Variants in TBL1XR1 observed in about 807,000 individuals in gnomAD.
TBL1XR1 encodes the protein TBL1X/Y related 1.
Under a neutral mutation model 66.9 loss-of-function variants are expected in TBL1XR1, and 5 were observed. That is an observed-to-expected ratio of 0.07 (90% CI 0.04 to 0.16). The LOEUF is 0.16. TBL1XR1 is among the 10% of genes least tolerant of loss of function. TBL1XR1 has a pLI of 1.00. For synonymous variants in TBL1XR1, 210 were observed against 206.0 expected, an observed-to-expected ratio of 1.02 and a Z score of -0.17; for missense variants, 238 against 623.2, an observed-to-expected ratio of 0.38 and a Z score of 6.58.
At chr3:177,059,912 T>A (rs1360987258) in intron 3 of TBL1XR1, among the ~76,000 whole-genome samples, 1 of 152,164 alleles carries the variant, frequency 6.6e-6, no homozygotes. Flanking sequence ...ATTTGCTGAG[T>A]CTTCCAGCCT....
At chr3:177,107,974 A>T (rs986240969) in intron 1 of TBL1XR1, among the ~76,000 whole-genome samples, 3 of 152,034 alleles carry the variant, frequency 2.0e-5, no homozygotes, top group Admixed American at 6.6e-5. Flanking sequence ...AGCCACAGAC[A>T]ATACATTAAA....
intron 3 of TBL1XR1, among the ~76,000 whole-genome samples, chr3:177,063,781 G>A (rs1006499204): frequency 2.6e-5 from 4 of 152,028 alleles, no homozygotes; most frequent in Admixed American, 1.3e-4. Context: ...TGTGGGCTTG[G>A]ATACTAATCT....
chr3:177,065,474 A>G (rs1028505043), intron 2 of TBL1XR1, among the ~76,000 whole-genome samples: 1 of 152,210 alleles, frequency 6.6e-6, no homozygotes, highest in Non-Finnish European at 1.5e-5. Context: ...AGTTTTATCT[A>G]TGAAACTTGG....
intron 1 of TBL1XR1, among the ~76,000 whole-genome samples, chr3:177,175,104 C>A (rs1470370471): frequency 6.6e-6 from 1 of 152,146 alleles, no homozygotes; most frequent in Admixed American, 6.6e-5. Context: ...TTAATGTACA[C>A]TGGTTCTCAA....
chr3:177,065,018 T>C lies in TBL1XR1; in HGVS notation c.-41A>G. The C allele has an allele frequency of 6.9e-7, 1 of 1,446,046 alleles. No homozygotes were observed. The highest frequency in any genetic ancestry group is 9.1e-7 in the Non-Finnish European group (1 of 1,102,232). The allele number at this position is 1,446,046 out of a possible 1,614,324, so 89.6% of individuals were successfully genotyped here. ...AACCATGAGGTCACAACACAGGATA[T>C]AACCCTAAAAATAAAACAAAGTTAA... On this transcript the variant is annotated 5_prime_UTR_variant, in exon 3 of 16. Transcript: ENST00000457928.
At chr3:177,193,945 G>A (rs1299266416) in intron 1 of TBL1XR1, 2 of 152,148 alleles carry the variant, frequency 1.3e-5, no homozygotes, top group Non-Finnish European at 2.9e-5. Flanking sequence ...CTACCTCATA[G>A]GATTAGCCTA....
chr3:177,050,205 T>C (rs753999067), intron 6 of TBL1XR1, 67 bp from the exon 7 acceptor site: 163 of 1,529,126 alleles, frequency 1.1e-4, no homozygotes, highest in Middle Eastern at 1.7e-4. Context: ...AGGCAACATA[T>C]TTACATCTGA....
At chr3:177,050,243 A>T in intron 6 of TBL1XR1, 105 bp from the exon 7 acceptor site, 1 of 1,413,872 alleles carries the variant, frequency 7.1e-7, no homozygotes, top group South Asian at 1.4e-5. Flanking sequence ...AAAAACGACT[A>T]TCACGAATTT....
chr3:177,103,859 T>C (rs1196921381), intron 1 of TBL1XR1, among the ~76,000 whole-genome samples: 1 of 152,144 alleles, frequency 6.6e-6, no homozygotes, highest in South Asian at 2.1e-4. Context: ...GAGAAAAATA[T>C]AATCCCAGCA....
At chr3:177,082,738 T>TTGTATATATATATA (rs1450061640) in intron 2 of TBL1XR1, among the ~76,000 whole-genome samples, 1 of 63,234 alleles carries the variant, frequency 1.6e-5, no homozygotes, top group Non-Finnish European at 3.0e-5. Flanking sequence ...AAGATAGAGA[T>TTGTATATATATATA]TATATATATA....
intron 1 of TBL1XR1, among the ~76,000 whole-genome samples, chr3:177,146,509 G>A (rs1437626070): frequency 6.9e-6 from 1 of 145,044 alleles, no homozygotes; most frequent in Admixed American, 7.1e-5. Context: ...GGCTGGTCTC[G>A]AACCCAGGAG....
chr3:177,096,454 G>C (rs1323421159), intron 2 of TBL1XR1, among the ~76,000 whole-genome samples: 1 of 151,848 alleles, frequency 6.6e-6, no homozygotes, highest in Non-Finnish European at 1.5e-5. Flanking sequence ...GTCTATGAGC[G>C]GTTATAAAAA....
rs545086754 is a variant in TBL1XR1 at position 177,086,732 on chromosome 3, G to A, written c.-46+11734C>T. ...TCTCTATCACGGAACATATACAGTT[G>A]ACCCTTGTACAAAGCAGGAGTTAGG... is the stretch of plus-strand genomic sequence containing the variant. On this transcript the variant is annotated intron_variant, in intron 2 of 15. Coordinates refer to ENST00000457928, the MANE Select transcript of TBL1XR1 (RefSeq NM_024665.7). Among the ~76,000 whole-genome samples, 32 of 151,488 alleles carry A rather than the reference G, an allele frequency of 2.1e-4. No individual in the cohort carries two copies. The South Asian group carries it at 6.7e-3, about 32-fold the overall frequency.
In TBL1XR1 at chr3:177,064,853, T is replaced by G. The variant is rs560469982; in HGVS notation, c.58+67A>C. 3.4e-5 allele frequency: 37 copies of G among 1,091,330 alleles called. No individual in the cohort carries two copies. The South Asian group carries it at 4.8e-4, about 14-fold the overall frequency. 67.6% of individuals were successfully genotyped at this position (1,091,330 alleles called of 1,614,324 possible). ...GGTTTGGACTGATACAAATTTCAAA[T>G]GCATAAAAGATTATTTTGAGAATAT... On this transcript the variant is annotated intron_variant, in intron 3 of 15. Coordinates refer to ENST00000457928, the MANE Select transcript of TBL1XR1 (RefSeq NM_024665.7).
At chr3:177,187,780 A>G (rs1735608542) in intron 1 of TBL1XR1, among the ~76,000 whole-genome samples, 2 of 152,072 alleles carry the variant, frequency 1.3e-5, no homozygotes, top group Non-Finnish European at 2.9e-5. Context: ...AAAAGCACTT[A>G]TTGATTCCAC....
intron 1 of TBL1XR1, among the ~76,000 whole-genome samples, chr3:177,167,984 T>C (rs925348501): frequency 6.6e-6 from 1 of 152,070 alleles, no homozygotes; most frequent in Non-Finnish European, 1.5e-5. Flanking sequence ...GGACAAAAAC[T>C]CCAATACAAG....
intron 3 of TBL1XR1, among the ~76,000 whole-genome samples, chr3:177,054,892 G>A (rs1480508127): frequency 6.6e-6 from 1 of 152,052 alleles, no homozygotes; most frequent in Non-Finnish European, 1.5e-5. Context: ...TGTTGGCCTT[G>A]CTTTTTATTA....
At chr3:177,118,918 C>A (rs1726641121) in intron 1 of TBL1XR1, among the ~76,000 whole-genome samples, 1 of 152,060 alleles carries the variant, frequency 6.6e-6, no homozygotes, top group African/African-American at 2.4e-5. Context: ...AAAATGGGAC[C>A]TATAGAAAGT....
intron 1 of TBL1XR1, among the ~76,000 whole-genome samples, chr3:177,130,442 CAGTT>C (rs973578103): frequency 1.3e-5 from 2 of 152,234 alleles, no homozygotes; most frequent in Admixed American, 6.5e-5. Context: ...CCAGGAAAGA[CAGTT>C]AGGCAATAAA....
Sources: gnomAD v4.1 joint callset for allele counts (sites outside exome capture counted in the v4.1 genomes callset) on GRCh38, gnomAD v4.1.1 for gene constraint, MANE v1.5 for transcripts, NCBI Gene and HGNC (gene_info 2026-07-23, HGNC 2026-07-21) for gene names.